SSBP2: variants seen among roughly 807,000 people sequenced by gnomAD.
SSBP2 encodes the protein single-stranded DNA-binding protein 2.
SSBP2 carries 17 observed loss-of-function variants against 61.8 expected under a neutral mutation model. The observed-to-expected ratio is 0.28, with a 90% CI of 0.19 to 0.41. SSBP2 has a LOEUF of 0.41. SSBP2 is among the 10% of genes least tolerant of loss of function. The pLI is 1.00. For synonymous variants in SSBP2, 139 were observed against 141.3 expected (o/e 0.98, Z 0.12); for missense variants, 310 against 458.7 (o/e 0.68, Z 2.96).
chr5:81,431,938 T>G (rs1178048062), intron 15 of SSBP2, among the ~76,000 whole-genome samples: 2 of 152,216 alleles, frequency 1.3e-5, no homozygotes, highest in South Asian at 2.1e-4. Flanking sequence ...CCTCAAAAAT[T>G]GTTTCAAACC....
At chr5:81,507,776 G>T (rs1171628244) in intron 5 of SSBP2, among the ~76,000 whole-genome samples, 3 of 152,058 alleles carry the variant, frequency 2.0e-5, no homozygotes, top group Non-Finnish European at 4.4e-5. Flanking sequence ...ATAAGTTATA[G>T]AAATTCACAA....
intron 5 of SSBP2, 52 bp from the exon 6 acceptor site, chr5:81,489,361 A>G (rs769315019): frequency 4.9e-6 from 7 of 1,438,042 alleles, no homozygotes; most frequent in Admixed American, 2.4e-5. Flanking sequence ...TACAATGTAA[A>G]ATACATATCT....
intron 16 of SSBP2, among the ~76,000 whole-genome samples, chr5:81,427,127 GC>G (rs1762003543): frequency 6.6e-6 from 1 of 152,102 alleles, no homozygotes; most frequent in South Asian, 2.1e-4. Flanking sequence ...CCACTTTATT[GC>G]TGGTAAAATT....
At chr5:81,451,227 G>T (rs999593639) in intron 10 of SSBP2, among the ~76,000 whole-genome samples, 1 of 151,796 alleles carries the variant, frequency 6.6e-6, no homozygotes, top group Non-Finnish European at 1.5e-5. Flanking sequence ...TAAATATTTC[G>T]TCTTCCTGTC....
chr5:81,491,232 T>G (rs535503427), intron 5 of SSBP2, among the ~76,000 whole-genome samples: 123 of 152,368 alleles, frequency 8.1e-4, no homozygotes, highest in Admixed American at 1.4e-3. Context: ...TAGTATCAAT[T>G]TAGTTTTTGA....
At chr5:81,578,873 A>C (rs1383311745) in intron 4 of SSBP2, among the ~76,000 whole-genome samples, 1 of 151,980 alleles carries the variant, frequency 6.6e-6, no homozygotes, top group Admixed American at 6.6e-5. Flanking sequence ...AAAATGCCAC[A>C]CTCCCTAAGT....
In SSBP2 at chr5:81,615,520, G is replaced by T; in HGVS notation, c.235C>A (p.Arg79Ser). 6.2e-7 allele frequency: 1 copy of T among 1,613,592 alleles called. No homozygotes were observed. ...TCACTTGAGTGTTCACATGTTTCACGTCTCTCTGGAGCTGCACAGTAGAGA... is the reference window on the plus strand; with the variant it reads ...TCACTTGAGTGTTCACATGTTTCACTTCTCTCTGGAGCTGCACAGTAGAGA... Residue 79 changes from arginine to serine, a missense_variant, in exon 4 of 17, where the codon CGT (arginine) becomes AGT (serine). This residue lies in a region of SSBP2 where 209 missense variants were observed against 286.4 expected (regional missense o/e 0.73). Transcript: ENST00000320672.
chr5:81,492,695 G>T (rs1369137858), intron 5 of SSBP2, among the ~76,000 whole-genome samples: 3 of 151,832 alleles, frequency 2.0e-5, no homozygotes, highest in Non-Finnish European at 4.4e-5. Flanking sequence ...TATTTGTAAT[G>T]TGTGTGGAAA....
chr5:81,650,861 C>G (rs185662999), intron 1 of SSBP2, among the ~76,000 whole-genome samples: 1 of 152,134 alleles, frequency 6.6e-6, no homozygotes, highest in East Asian at 1.9e-4. Context: ...GATTGTTAAG[C>G]CAATAATACT....
intron 4 of SSBP2, among the ~76,000 whole-genome samples, chr5:81,578,028 T>C (rs1774363361): frequency 6.6e-6 from 1 of 152,008 alleles, no homozygotes; most frequent in Admixed American, 6.6e-5. Context: ...AGGAATTAAG[T>C]GACTTGCCCA....
intron 4 of SSBP2, among the ~76,000 whole-genome samples, chr5:81,612,855 G>A (rs1325180824): frequency 6.6e-6 from 1 of 151,834 alleles, no homozygotes; most frequent in African/African-American, 2.4e-5. Context: ...TAACATTCTA[G>A]AATTTTACCA....
chr5:81,686,461 T>C (rs1178676427), intron 1 of SSBP2, among the ~76,000 whole-genome samples: 1 of 152,188 alleles, frequency 6.6e-6, no homozygotes, highest in East Asian at 1.9e-4. Context: ...ATGTATTTTT[T>C]ATATTAAGAT....
intron 1 of SSBP2, among the ~76,000 whole-genome samples, chr5:81,714,795 C>T (rs879904567): frequency 2.0e-5 from 3 of 152,124 alleles, no homozygotes; most frequent in Non-Finnish European, 2.9e-5. Flanking sequence ...TGGATATTAG[C>T]GCTTTGTCAG....
At chr5:81,436,185 C>CAAA (rs34499225) in intron 15 of SSBP2, among the ~76,000 whole-genome samples, 546 of 54,320 alleles carry the variant, frequency 0.01, no homozygotes, top group East Asian at 0.013. Flanking sequence ...AAGACTCCAT[C>CAAA]AAAAAAAAAA....
chr5:81,712,734 T>TG (rs1408286902), intron 1 of SSBP2, among the ~76,000 whole-genome samples: 3 of 149,046 alleles, frequency 2.0e-5, no homozygotes, highest in Admixed American at 1.3e-4. Context: ...CTTTGTTTTT[T>TG]TTTTTTTGTT....
chr5:81,668,836 G>C (rs1388900240), intron 1 of SSBP2, among the ~76,000 whole-genome samples: 2 of 151,990 alleles, frequency 1.3e-5, no homozygotes, highest in East Asian at 3.9e-4. Flanking sequence ...TTTAAAGACA[G>C]AAAAGAAAAT....
chr5:81,625,934 A>AT (rs1020188146), intron 3 of SSBP2, among the ~76,000 whole-genome samples: 5 of 152,026 alleles, frequency 3.3e-5, no homozygotes, highest in Non-Finnish European at 5.9e-5. Context: ...CATGGAAAAC[A>AT]TTTTTTCTGA....
intron 4 of SSBP2, among the ~76,000 whole-genome samples, chr5:81,566,594 A>T (rs974265157): frequency 6.6e-6 from 1 of 152,124 alleles, no homozygotes; most frequent in African/African-American, 2.4e-5. Flanking sequence ...CAGCATGAAA[A>T]CTAATACAGT....
At position 81,652,156 on chromosome 5, in the gene SSBP2, C is replaced by G. The variant is rs963620942; in HGVS notation, c.63-1817G>C. Among the ~76,000 whole-genome samples, 63 of 152,294 alleles carry G rather than the reference C, an allele frequency of 4.1e-4. 1 individual carries two copies. Among genetic ancestry groups the G allele is most frequent in the African/African-American group, 1.4e-3 (57 of 41,580 alleles). On this transcript the variant is annotated intron_variant, in intron 1 of 16. Coordinates refer to ENST00000320672, the MANE Select transcript of SSBP2 (RefSeq NM_012446.5). ...AGTGAATGAAGCAGGGGCACCATGACAGGCCTGGTATGGAGAGAACAGACT... is the reference window on the plus strand; with the variant it reads ...AGTGAATGAAGCAGGGGCACCATGAGAGGCCTGGTATGGAGAGAACAGACT...
Sources: gnomAD v4.1 joint callset for allele counts (sites outside exome capture counted in the v4.1 genomes callset) on GRCh38, gnomAD v4.1.1 for gene constraint, gnomAD v4.1.1 regional missense constraint, MANE v1.5 for transcripts, NCBI Gene and HGNC (gene_info 2026-07-23, HGNC 2026-07-21) for gene names.